Variants in STK4 observed in about 807,000 individuals in gnomAD.
STK4 encodes serine/threonine kinase 4.
In STK4, 30 loss-of-function variants were observed where a neutral mutation model predicts 64.9. The observed-to-expected ratio is 0.46, with a 90% CI of 0.35 to 0.63. STK4 has a LOEUF of 0.63. STK4 is among the 20% of genes least tolerant of loss of function. The pLI is 0.01. For synonymous variants in STK4, 177 were observed against 199.0 expected, an observed-to-expected ratio of 0.89 and a Z score of 0.93; for missense variants, 466 against 598.5, an observed-to-expected ratio of 0.78 and a Z score of 2.31.
intron 5 of STK4, among the ~76,000 whole-genome samples, chr20:44,988,531 GTGTATATATA>G (rs2067573111): frequency 1.3e-5 from 1 of 77,038 alleles, no homozygotes; most frequent in Non-Finnish European, 2.2e-5. Context: ...ATATGTGTGT[GTGTATATATA>G]TATATATATA....
chr20:45,029,508 C>T (rs1361944431), intron 10 of STK4, among the ~76,000 whole-genome samples: 1 of 152,172 alleles, frequency 6.6e-6, no homozygotes, highest in Non-Finnish European at 1.5e-5. Flanking sequence ...GAGCTGCTCT[C>T]CCAACAAAGA....
chr20:45,009,357 T>C (rs1481867092), intron 9 of STK4, among the ~76,000 whole-genome samples: 2 of 152,212 alleles, frequency 1.3e-5, no homozygotes, highest in Middle Eastern at 3.4e-3. Flanking sequence ...GGTGTGCAGG[T>C]TTATTTCTGA....
chr20:44,992,838 G>A (rs937992861), intron 5 of STK4, among the ~76,000 whole-genome samples: 13 of 152,028 alleles, frequency 8.6e-5, no homozygotes, highest in African/African-American at 3.1e-4. Context: ...GGGATTACAG[G>A]TACCTGCTAC....
intron 10 of STK4, among the ~76,000 whole-genome samples, chr20:45,047,103 C>G (rs981635285): frequency 6.6e-6 from 1 of 152,156 alleles, no homozygotes; most frequent in Admixed American, 6.5e-5. Context: ...TTAAGACTAA[C>G]TACATTTTGG....
chr20:45,025,081 T>C lies in STK4; in HGVS notation c.1256T>C (p.Leu419Pro). 1 of 1,612,928 alleles carries C rather than the reference T, an allele frequency of 6.2e-7. No homozygotes were observed. The highest frequency in any genetic ancestry group is 8.5e-7 in the Non-Finnish European group (1 of 1,179,432). The change falls in exon 10 of 11, where the codon CTG (leucine) becomes CCG (proline). Residue 419 changes from leucine to proline, a missense_variant. Physicochemically the swap from Leu to Pro is moderately conservative, Grantham distance 98 (BLOSUM62 -3). This residue lies in a region of STK4 where 276 missense variants were observed against 308.9 expected (regional missense o/e 0.89). Coordinates refer to ENST00000372806, the MANE Select transcript of STK4 (RefSeq NM_006282.5). ...NSFGKSVPGP[L>P]KNSSDWKIPQ... ...TTTGGCAAGAGTGTACCTGGTCCAC[T>C]GAAAAATTCTTCAGATTGGAAAATA...
At chr20:44,971,447 A>G (rs2067244023) in intron 1 of STK4, among the ~76,000 whole-genome samples, 1 of 152,174 alleles carries the variant, frequency 6.6e-6, no homozygotes, top group African/African-American at 2.4e-5. Flanking sequence ...GTGTTTTGAC[A>G]AACTTACAAA....
At chr20:44,979,001 A>G (rs949069242) in intron 3 of STK4, among the ~76,000 whole-genome samples, 4 of 152,024 alleles carry the variant, frequency 2.6e-5, no homozygotes, top group African/African-American at 9.7e-5. Context: ...GAATTTCACC[A>G]TATTCGTCAG....
At chr20:45,006,506 CT>C (rs1365661077) in intron 9 of STK4, among the ~76,000 whole-genome samples, 1 of 151,188 alleles carries the variant, frequency 6.6e-6, no homozygotes, top group Non-Finnish European at 1.5e-5. Context: ...TCTAATTTTT[CT>C]GTTTATTGTG....
intron 7 of STK4, 28 bp downstream of exon 7, chr20:44,997,334 G>A (rs759756975): frequency 7.7e-6 from 12 of 1,556,364 alleles, no homozygotes; most frequent in African/African-American, 2.8e-5. Flanking sequence ...ATGCCATCTC[G>A]CTCCATTTCA....
chr20:45,001,052 G>C, intron 8 of STK4, 115 bp from the exon 9 acceptor site: 1 of 1,164,262 alleles, frequency 8.6e-7, no homozygotes, highest in Non-Finnish European at 1.2e-6. Context: ...GTGAGTTTAG[G>C]ACCTGAATAA....
chr20:45,003,632 T>C (rs2067880347), intron 9 of STK4, among the ~76,000 whole-genome samples: 1 of 152,144 alleles, frequency 6.6e-6, no homozygotes, highest in Non-Finnish European at 1.5e-5. Flanking sequence ...AGGCTATGCA[T>C]GTGTGGCAGG....
chr20:45,077,814 A>G lies in STK4; in HGVS notation c.*2638A>G, dbSNP rs1459156731. ...TTTCCCCCATAACTATTCTTGGGTC[A>G]TGAACTTTGATCTGGAGTTTGTTTT... On this transcript the variant is annotated 3_prime_UTR_variant, in exon 11 of 11. Coordinates refer to ENST00000372806, the MANE Select transcript of STK4 (RefSeq NM_006282.5). 3 of 152,218 alleles carry G rather than the reference A, an allele frequency of 2.0e-5. No individual in the cohort carries two copies. Among genetic ancestry groups the G allele is most frequent in the Non-Finnish European group, 4.4e-5 (3 of 68,030 alleles). 9.4% of individuals were successfully genotyped at this position (152,218 alleles called of 1,614,324 possible). A position where few individuals can be genotyped will look rare whatever the true frequency, so the allele number is the denominator to read the frequency against.
intron 2 of STK4, chr20:44,972,552 T>G (rs1481381878): frequency 1.9e-5 from 3 of 156,782 alleles, no homozygotes; most frequent in African/African-American, 7.2e-5. Context: ...ATATAGTAAA[T>G]AAATTAAGCA....
intron 9 of STK4, among the ~76,000 whole-genome samples, chr20:45,017,058 A>G (rs1325296970): frequency 1.3e-5 from 2 of 152,226 alleles, no homozygotes; most frequent in East Asian, 1.9e-4. Flanking sequence ...CTCTATAAAT[A>G]TCAATTTGGA....
intron 10 of STK4, among the ~76,000 whole-genome samples, chr20:45,053,774 CCAA>C (rs1978307428): frequency 6.6e-6 from 1 of 152,164 alleles, no homozygotes; most frequent in Admixed American, 6.5e-5. Flanking sequence ...TGCTATATTT[CCAA>C]CAAGAGGCAT....
chr20:45,076,259 G>GA lies in STK4; in HGVS notation c.*1085dup, dbSNP rs2145494023. The GA allele has an allele frequency of 6.6e-6, 1 of 152,342 alleles. No individual in the cohort carries two copies. The highest frequency in any genetic ancestry group is 2.4e-5 in the African/African-American group (1 of 41,568). 9.4% of individuals were successfully genotyped at this position (152,342 alleles called of 1,614,324 possible). On this transcript the variant is annotated 3_prime_UTR_variant, in exon 11 of 11. Coordinates refer to ENST00000372806, the MANE Select transcript of STK4 (RefSeq NM_006282.5). This position sits in a 1 kb window ranked among gnomAD's most constrained non-coding sequence, Gnocchi z 4.0. ...CCAGGAGGCTCAATCTGAACACACA[G>GA]AATGTCAGAGCTGGAAGGGACTATA...
At chr20:44,996,164 C>T (rs1315990481) in intron 6 of STK4, among the ~76,000 whole-genome samples, 1 of 152,076 alleles carries the variant, frequency 6.6e-6, no homozygotes, top group Non-Finnish European at 1.5e-5. Flanking sequence ...TGTAGATCCC[C>T]ATATCCTCTT....
intron 9 of STK4, among the ~76,000 whole-genome samples, chr20:45,004,909 C>T (rs1475592792): frequency 6.6e-6 from 1 of 151,858 alleles, no homozygotes; most frequent in Non-Finnish European, 1.5e-5. Context: ...GCTGGGATTA[C>T]AGGTGCATGC....
intron 9 of STK4, among the ~76,000 whole-genome samples, chr20:45,021,182 G>A (rs1236823096): frequency 6.6e-6 from 1 of 152,162 alleles, no homozygotes; most frequent in East Asian, 1.9e-4. Context: ...CCCAAAGCAG[G>A]TTAGATAGCC....
Sources: gnomAD v4.1 joint callset for allele counts (sites outside exome capture counted in the v4.1 genomes callset) on GRCh38, gnomAD v4.1.1 for gene constraint, gnomAD v4.1.1 regional missense constraint, Gnocchi (gnomAD v3.1) non-coding constraint, MANE v1.5 for transcripts, NCBI Gene and HGNC (gene_info 2026-07-23, HGNC 2026-07-21) for gene names.